The following UBR1 variants were observed in gnomAD, a reference collection of about 807,000 sequenced individuals.
The protein encoded by UBR1 is ubiquitin protein ligase E3 component n-recognin 1, also known as E3 ubiquitin-protein ligase UBR1.
UBR1 carries 102 observed loss-of-function variants against 242.1 expected under a neutral mutation model. The observed-to-expected ratio is 0.42, with a 90% CI of 0.36 to 0.50. The LOEUF (loss-of-function observed/expected upper bound fraction) is 0.50. Among genes scored for constraint, UBR1 ranks in the 20% least tolerant of loss-of-function variants. The pLI is 0.01. For synonymous variants in UBR1, 675 were observed against 684.8 expected (o/e 0.99, Z 0.22); for missense variants, 1,772 against 2,101.8 (o/e 0.84, Z 3.07).
chr15:42,971,488 G>A (rs1222953797), intron 39 of UBR1, among the ~76,000 whole-genome samples: 6 of 152,206 alleles, frequency 3.9e-5, no homozygotes, highest in African/African-American at 1.2e-4. Flanking sequence ...AGTTTGCTGT[G>A]AGGTATAGTT....
At position 43,024,931 on chromosome 15, in the gene UBR1, A is replaced by C; in HGVS notation, c.2637T>G (p.Ile879Met). ...TCATGATATCACAGTTGAGAAGGTT[A>C]ATCACTTTGCTGAAAGCAGGGCAGA... Reference protein sequence around the residue: ...PEFCPAFSKVINLLNCDIMMY... With the variant: ...PEFCPAFSKVMNLLNCDIMMY... Residue 879 changes from isoleucine (I) to methionine (M), a missense_variant, in exon 25 of 47, where the codon ATT becomes ATG. By Grantham distance (10) the Ile-to-Met change is conservative (BLOSUM62 1). This residue lies in a region of UBR1 where 965 missense variants were observed against 1,079.7 expected (regional missense o/e 0.89). Coordinates refer to ENST00000290650, the MANE Select transcript of UBR1 (RefSeq NM_174916.3). 8 of 1,614,196 alleles carry C rather than the reference A, an allele frequency of 5.0e-6. No homozygotes were observed. The highest frequency in any genetic ancestry group is 6.8e-6 in the Non-Finnish European group (8 of 1,180,032).
chr15:43,001,787 C>G (rs935681341), intron 32 of UBR1, among the ~76,000 whole-genome samples: 1 of 152,080 alleles, frequency 6.6e-6, no homozygotes, highest in East Asian at 1.9e-4. Context: ...AAAAACAAAT[C>G]TAGTGTTTCT....
intron 1 of UBR1, among the ~76,000 whole-genome samples, chr15:43,093,760 A>C (rs1231498776): frequency 6.8e-6 from 1 of 147,428 alleles, no homozygotes; most frequent in African/African-American, 2.5e-5. Flanking sequence ...CACTTCATTC[A>C]GCCTGGGGAA....
At chr15:42,945,579 C>T in intron 46 of UBR1, 109 bp from the exon 47 acceptor site, 2 of 1,357,262 alleles carry the variant, frequency 1.5e-6, no homozygotes, top group Non-Finnish European at 2.0e-6. Flanking sequence ...GCCGGGAGGA[C>T]TCACCAGCAC....
chr15:42,983,755 TGTAG>T (rs1024788068), intron 37 of UBR1, 138 bp downstream of exon 37: 23 of 374,740 alleles, frequency 6.1e-5, no homozygotes, highest in Non-Finnish European at 1.0e-4. Context: ...GCATGGCTTC[TGTAG>T]GTGGTAAAAT....
chr15:43,025,053 C>G (rs547532141), intron 24 of UBR1, 70 bp from the exon 25 acceptor site: 1 of 1,579,548 alleles, frequency 6.3e-7, no homozygotes, highest in Non-Finnish European at 8.7e-7. Flanking sequence ...ATCCTACATA[C>G]TAAAGTGCAA....
At chr15:42,966,553 CTGTGAT>C (rs1412409289) in intron 40 of UBR1, among the ~76,000 whole-genome samples, 5 of 152,150 alleles carry the variant, frequency 3.3e-5, no homozygotes, top group African/African-American at 9.6e-5. Context: ...TGGTGGGCAC[CTGTGAT>C]CCCAGCTACT....
intron 33 of UBR1, among the ~76,000 whole-genome samples, chr15:42,991,328 C>G (rs927912893): frequency 9.9e-5 from 15 of 151,974 alleles, no homozygotes; most frequent in African/African-American, 3.4e-4. Flanking sequence ...CTTCAATTTC[C>G]TGGGCTCAAA....
Position 43,032,616 on chromosome 15 carries a change from A to G in UBR1, c.2206T>C (p.Tyr736His), listed in dbSNP as rs1470773522. ...STKDQDLIKQ[Y>H]NTLIEEMLQV... ...AGCATTTCTTCTATTAGTGTATTAT[A>G]TTGTTTAATCAAATCCTATAGAATC... Residue 736 changes from tyrosine (Y) to histidine (H), a missense_variant, in exon 20 of 47, where the codon TAT becomes CAT. Transcript: ENST00000290650. 1 of 1,529,250 alleles carries G rather than the reference A, an allele frequency of 6.5e-7. No individual in the cohort carries two copies. The highest frequency in any genetic ancestry group is 1.1e-5 in the South Asian group (1 of 88,450). 94.7% of individuals were successfully genotyped at this position (1,529,250 alleles called of 1,614,324 possible).
In UBR1 at chr15:43,054,905, G is replaced by A. The variant is rs1194290260; in HGVS notation, c.1282-6C>T. 6.2e-7 allele frequency: 1 copy of A among 1,613,826 alleles called. No homozygotes were observed. On this transcript the variant is annotated splice_region_variant and splice_polypyrimidine_tract_variant and intron_variant, in intron 11 of 46. Coordinates refer to ENST00000290650, the MANE Select transcript of UBR1 (RefSeq NM_174916.3). ...TCTTCAATAAGATGTCGAGCCTGCG[G>A]AATATTTCAAGAATATTTTCTTTAG...
intron 37 of UBR1, among the ~76,000 whole-genome samples, chr15:42,981,455 C>T (rs576980442): frequency 2.0e-5 from 3 of 152,262 alleles, no homozygotes; most frequent in African/African-American, 7.2e-5. Flanking sequence ...GAGGAGATAA[C>T]AGCAGAGTCC....
chr15:42,949,119 G>A (rs1334815775), intron 46 of UBR1, among the ~76,000 whole-genome samples: 6 of 151,970 alleles, frequency 3.9e-5, no homozygotes, highest in Admixed American at 6.6e-5. Flanking sequence ...ATGAGTTCAT[G>A]TCCTTTGTAG....
intron 28 of UBR1, among the ~76,000 whole-genome samples, chr15:43,016,614 T>C (rs544217021): frequency 3.3e-5 from 5 of 152,348 alleles, no homozygotes; most frequent in East Asian, 3.9e-4. Flanking sequence ...TCTTGCTCTG[T>C]CACCCTGGCT....
chr15:43,105,775 A>G (rs2034289176), intron 1 of UBR1, among the ~76,000 whole-genome samples, 167 bp downstream of exon 1: 1 of 152,206 alleles, frequency 6.6e-6, no homozygotes, highest in African/African-American at 2.4e-5. Context: ...CTTGGCTGGC[A>G]GAAATGTGGG....
intron 44 of UBR1, 24 bp downstream of exon 44, chr15:42,957,989 C>T (rs2031951251): frequency 1.9e-6 from 3 of 1,575,094 alleles, no homozygotes; most frequent in Non-Finnish European, 2.6e-6. Context: ...AAATTACACA[C>T]ATATATATAC....
intron 30 of UBR1, among the ~76,000 whole-genome samples, chr15:43,004,577 C>T (rs1010581676): frequency 7.2e-5 from 11 of 152,338 alleles, no homozygotes; most frequent in African/African-American, 2.2e-4. Flanking sequence ...GACGGGGTTT[C>T]GCCCTGTTGG....
At chr15:43,022,644 C>T in intron 26 of UBR1, 58 bp downstream of exon 26, 1 of 1,275,846 alleles carries the variant, frequency 7.8e-7, no homozygotes, top group Non-Finnish European at 1.1e-6. Flanking sequence ...CAAATTAAAA[C>T]TCCTTAAGAT....
At chr15:42,962,543 G>A (rs1316163106) in intron 42 of UBR1, among the ~76,000 whole-genome samples, 1 of 151,928 alleles carries the variant, frequency 6.6e-6, no homozygotes, top group Non-Finnish European at 1.5e-5. Flanking sequence ...AGGCTGGAGT[G>A]CAGTGGTGAG....
intron 30 of UBR1, among the ~76,000 whole-genome samples, chr15:43,005,491 C>G (rs535417432): frequency 3.9e-5 from 6 of 151,908 alleles, no homozygotes; most frequent in Non-Finnish European, 5.9e-5. Context: ...CCTGCCCAGC[C>G]AGCCGCTCCG....
Sources: gnomAD v4.1 joint callset for allele counts (sites outside exome capture counted in the v4.1 genomes callset) on GRCh38, gnomAD v4.1.1 for gene constraint, gnomAD v4.1.1 regional missense constraint, MANE v1.5 for transcripts, NCBI Gene and HGNC (gene_info 2026-07-23, HGNC 2026-07-21) for gene names.